The following ZNF536 variants were observed in gnomAD, a reference collection of about 807,000 sequenced individuals.
ZNF536 encodes the protein zinc finger protein 536.
ZNF536 carries 13 observed loss-of-function variants against 84.5 expected under a neutral mutation model. The observed-to-expected ratio is 0.15, with a 90% CI of 0.10 to 0.24. ZNF536 has a LOEUF of 0.24. ZNF536 is among the 10% of genes least tolerant of loss of function. ZNF536 has a pLI of 1.00. For missense variants in ZNF536, 1,536 were observed against 1,747.5 expected (o/e 0.88, Z 2.16); for synonymous variants, 811 against 742.5 (o/e 1.09, Z -1.50).
At chr19:30,278,313 T>G (rs2045313287) in intron 1 of ZNF536, among the ~76,000 whole-genome samples, 3 of 152,160 alleles carry the variant, frequency 2.0e-5, no homozygotes, top group Admixed American at 2.0e-4. Flanking sequence ...TTTGAGTGGT[T>G]TCCACAGGCA....
At position 30,445,890 on chromosome 19, in the gene ZNF536, C is replaced by A. The variant is rs889667487; in HGVS notation, c.2170+158C>A. Among the ~76,000 whole-genome samples the A allele has an allele frequency of 3.9e-5, 6 of 152,240 alleles. No individual in the cohort carries two copies. The South Asian group carries it at 1.0e-3, about 26-fold the overall frequency. On this transcript the variant is annotated intron_variant, in intron 2 of 4. Transcript: ENST00000355537. The surrounding 1 kb of genome is among the most constrained non-coding windows in gnomAD (Gnocchi z 4.5). ...CTGGGCCATGCCTTTCTTTCCCCCCCTGACTGGAGGGAAAGGGCCGTCCTT... is the reference window on the plus strand; with the variant it reads ...CTGGGCCATGCCTTTCTTTCCCCCCATGACTGGAGGGAAAGGGCCGTCCTT...
chr19:30,317,714 G>C (rs1435056546), intron 2 of ZNF536, among the ~76,000 whole-genome samples: 1 of 152,176 alleles, frequency 6.6e-6, no homozygotes, highest in Non-Finnish European at 1.5e-5. Context: ...GTCTTTGGAG[G>C]GTTTACCTTG....
intron 1 of ZNF536, among the ~76,000 whole-genome samples, chr19:30,269,960 A>T (rs1247078843): frequency 6.6e-6 from 1 of 152,104 alleles, no homozygotes; most frequent in Non-Finnish European, 1.5e-5. Flanking sequence ...TTTGGTTGTG[A>T]TCACCTTTAT....
intron 2 of ZNF536, among the ~76,000 whole-genome samples, chr19:30,458,428 A>G (rs1402351957): frequency 9.2e-6 from 1 of 108,956 alleles, no homozygotes; most frequent in East Asian, 2.6e-4. Context: ...GGGTCCAAGT[A>G]TTTCCTCAAT....
At position 30,529,574 on chromosome 19, in the gene ZNF536, C is replaced by T. The variant is rs143815281; in HGVS notation, c.2171-5273C>T. 1.4e-3 allele frequency among the ~76,000 whole-genome samples: 218 copies of T among 152,276 alleles called. 1 individual carries two copies. Among genetic ancestry groups the T allele is most frequent in the Middle Eastern group, 3.4e-3 (1 of 294 alleles). On this transcript the variant is annotated intron_variant, in intron 2 of 4. Transcript: ENST00000355537. ...ACCTTCATGTCACCTTGATCGAGGC[C>T]AACCTTGCTATAGACTCGGAGGATA...
chr19:30,530,136 G>A (rs979180475), intron 2 of ZNF536, among the ~76,000 whole-genome samples: 10 of 152,216 alleles, frequency 6.6e-5, no homozygotes, highest in African/African-American at 2.2e-4. Context: ...AGATGGCAGC[G>A]TTGAGGCTGA....
At chr19:30,303,704 T>C (rs1319631908) in intron 2 of ZNF536, among the ~76,000 whole-genome samples, 1 of 152,176 alleles carries the variant, frequency 6.6e-6, no homozygotes, top group Non-Finnish European at 1.5e-5. Flanking sequence ...AGTTTCACCA[T>C]GTCGGCCGGG....
chr19:30,325,422 T>C (rs2046992254), intron 2 of ZNF536, among the ~76,000 whole-genome samples: 1 of 152,284 alleles, frequency 6.6e-6, no homozygotes. Flanking sequence ...CTTTTGGTGG[T>C]GGGCTTCTCT....
At chr19:30,683,550 G>A (rs2051058165) in intron 1 of ZNF536, among the ~76,000 whole-genome samples, 3 of 151,578 alleles carry the variant, frequency 2.0e-5, no homozygotes, top group Non-Finnish European at 4.4e-5. Context: ...AACCTGAGCG[G>A]ATTTTTTTTT....
At chr19:30,608,589 T>C (rs2047979739) in intron 1 of ZNF536, among the ~76,000 whole-genome samples, 1 of 152,100 alleles carries the variant, frequency 6.6e-6, no homozygotes, top group African/African-American at 2.4e-5. Context: ...GAATGAGCCA[T>C]ATTGGTTGAT....
intron 1 of ZNF536, among the ~76,000 whole-genome samples, chr19:30,655,930 C>G (rs1461402256): frequency 6.6e-6 from 1 of 151,978 alleles, no homozygotes; most frequent in Non-Finnish European, 1.5e-5. Flanking sequence ...TCCCAGCTAC[C>G]TGGGAGGCTG....
In ZNF536 at chr19:30,311,010, A is replaced by C. The variant is rs551406451; in HGVS notation, c.-120+26869A>C. 5.3e-5 allele frequency among the ~76,000 whole-genome samples: 8 copies of C among 152,262 alleles called. No individual in the cohort carries two copies. In the South Asian group the frequency reaches 1.7e-3, roughly 32 times the overall value. The stretch of plus-strand genomic sequence containing the variant: ...GGTTCAGGAGATCCATCGTTCCCTG[A>C]TGAGCCTGGCCTGACGCTTGGATCC... On this transcript the variant is annotated intron_variant, in intron 2 of 5. Transcript: ENST00000585628.
chr19:30,379,039 T>C (rs1015067693), intron 1 of ZNF536, among the ~76,000 whole-genome samples: 13 of 152,210 alleles, frequency 8.5e-5, no homozygotes, highest in Non-Finnish European at 1.9e-4. Context: ...GTCCTGAAGA[T>C]GGGCAGTTGG....
chr19:30,531,564 C>T (rs971795520), intron 2 of ZNF536, among the ~76,000 whole-genome samples: 1 of 151,732 alleles, frequency 6.6e-6, no homozygotes, highest in Non-Finnish European at 1.5e-5. Context: ...GCATAGCGGT[C>T]GATAGGTAAT....
At chr19:30,629,576 G>A (rs2048814592) in intron 1 of ZNF536, among the ~76,000 whole-genome samples, 1 of 152,200 alleles carries the variant, frequency 6.6e-6, no homozygotes, top group African/African-American at 2.4e-5. Flanking sequence ...AAGGGGCAAG[G>A]CTCAGAGAGA....
chr19:30,259,019 A>C (rs1298768407), intron 1 of ZNF536, among the ~76,000 whole-genome samples: 1 of 152,098 alleles, frequency 6.6e-6, no homozygotes, highest in East Asian at 1.9e-4. Flanking sequence ...TGACCGGCCA[A>C]AATTTTTTAT....
chr19:30,696,343 C>T (rs920679912), intron 1 of ZNF536, among the ~76,000 whole-genome samples: 4 of 152,166 alleles, frequency 2.6e-5, no homozygotes, highest in South Asian at 2.1e-4. Context: ...TGGTTTCTCC[C>T]GGCATTTCTT....
chr19:30,236,619 T>C (rs1316469047), intron 1 of ZNF536, among the ~76,000 whole-genome samples: 1 of 152,032 alleles, frequency 6.6e-6, no homozygotes, highest in Non-Finnish European at 1.5e-5. Flanking sequence ...AACATGAACA[T>C]TTCCATCATC....
chr19:30,282,107 C>G (rs2045468083), intron 1 of ZNF536, among the ~76,000 whole-genome samples: 1 of 152,236 alleles, frequency 6.6e-6, no homozygotes, highest in African/African-American at 2.4e-5. Context: ...TCACCTTTCC[C>G]CGACCCGCAG....
Sources: gnomAD v4.1 joint callset for allele counts (sites outside exome capture counted in the v4.1 genomes callset) on GRCh38, gnomAD v4.1.1 for gene constraint, Gnocchi (gnomAD v3.1) non-coding constraint, MANE v1.5 for transcripts, NCBI Gene and HGNC (gene_info 2026-07-23, HGNC 2026-07-21) for gene names.